The following ANO10 variants were observed in gnomAD, a reference collection of about 807,000 sequenced individuals.
The protein encoded by ANO10 is anoctamin 10.
Under a neutral mutation model 74.7 loss-of-function variants are expected in ANO10, and 77 were observed. That is an observed-to-expected ratio of 1.03 (90% CI 0.86 to 1.25). The LOEUF (loss-of-function observed/expected upper bound fraction) is 1.25, where lower values mean the gene tolerates loss of function less well. Among genes scored for constraint, ANO10 ranks in the 50% most tolerant of loss-of-function variants. ANO10 has a pLI of 0.00. For missense variants in ANO10, 721 were observed against 778.1 expected (o/e 0.93, Z 0.87); for synonymous variants, 279 against 284.9 (o/e 0.98, Z 0.21).
At chr3:43,545,443 G>A (rs756161532) in intron 11 of ANO10, among the ~76,000 whole-genome samples, 5 of 151,820 alleles carry the variant, frequency 3.3e-5, no homozygotes, top group Admixed American at 1.3e-4. Flanking sequence ...GCGCAATCTC[G>A]GCTTACCATA....
At chr3:43,576,126 A>AC (rs1465616121) in intron 6 of ANO10, among the ~76,000 whole-genome samples, 2 of 152,218 alleles carry the variant, frequency 1.3e-5, no homozygotes, top group Admixed American at 1.3e-4. Context: ...AATGAACTCA[A>AC]CAGCAGTCCT....
chr3:43,601,572 A>T (rs1575524125), intron 2 of ANO10, among the ~76,000 whole-genome samples: 1 of 152,312 alleles, frequency 6.6e-6, no homozygotes, highest in African/African-American at 2.4e-5. Flanking sequence ...GAAAATATTA[A>T]TCAGATGATA....
chr3:43,637,960 G>A (rs1241426895), intron 1 of ANO10, among the ~76,000 whole-genome samples: 3 of 152,128 alleles, frequency 2.0e-5, no homozygotes, highest in African/African-American at 7.2e-5. Flanking sequence ...GAATTCCATC[G>A]AGTTTTAAAA....
chr3:43,667,293 A>G (rs1437383705), intron 1 of ANO10, among the ~76,000 whole-genome samples: 2 of 151,884 alleles, frequency 1.3e-5, no homozygotes, highest in Non-Finnish European at 2.9e-5. Context: ...GTTTCACCAT[A>G]TTGGTCAGGC....
At chr3:43,610,459 A>G (rs2082763641) in intron 1 of ANO10, among the ~76,000 whole-genome samples, 1 of 152,208 alleles carries the variant, frequency 6.6e-6, no homozygotes, top group Non-Finnish European at 1.5e-5. Context: ...GTCAGGTATT[A>G]TGTACTATAC....
At chr3:43,460,437 T>C (rs993483766) in intron 11 of ANO10, among the ~76,000 whole-genome samples, 1 of 152,178 alleles carries the variant, frequency 6.6e-6, no homozygotes, top group African/African-American at 2.4e-5. Flanking sequence ...TAAGTGAACT[T>C]TCTTGGGGTG....
chr3:43,687,831 G>A (rs2084294147), intron 1 of ANO10, among the ~76,000 whole-genome samples: 1 of 152,182 alleles, frequency 6.6e-6, no homozygotes, highest in African/African-American at 2.4e-5. Flanking sequence ...GTTAAAGTAT[G>A]TGGGGCCCTG....
intron 11 of ANO10, among the ~76,000 whole-genome samples, chr3:43,544,236 G>C (rs1416670766): frequency 3.3e-5 from 5 of 152,052 alleles, no homozygotes; most frequent in Non-Finnish European, 7.4e-5. Flanking sequence ...GACACCGCCA[G>C]TATTTATTTT....
intron 8 of ANO10, among the ~76,000 whole-genome samples, chr3:43,563,728 T>C (rs2080168381): frequency 6.6e-6 from 1 of 152,134 alleles, no homozygotes; most frequent in African/African-American, 2.4e-5. Flanking sequence ...GAGGTCATTA[T>C]GTTAAGTGAA....
intron 1 of ANO10, among the ~76,000 whole-genome samples, chr3:43,654,780 A>C (rs1380056909): frequency 6.6e-6 from 1 of 152,196 alleles, no homozygotes; most frequent in Non-Finnish European, 1.5e-5. Context: ...AGAATGGATG[A>C]CTGCCATAAA....
intron 1 of ANO10, among the ~76,000 whole-genome samples, chr3:43,674,331 G>A (rs1419076498): frequency 2.0e-5 from 3 of 151,742 alleles, no homozygotes; most frequent in Non-Finnish European, 2.9e-5. Context: ...TTATTTTTTC[G>A]TAGAGATGAG....
chr3:43,594,061 C>T (rs2081952096), intron 4 of ANO10, among the ~76,000 whole-genome samples: 1 of 152,182 alleles, frequency 6.6e-6, no homozygotes, highest in Admixed American at 6.5e-5. Flanking sequence ...GAAGAGCTAA[C>T]TATCCTAAAT....
chr3:43,621,677 G>A (rs2083399629), intron 1 of ANO10: 1 of 152,698 alleles, frequency 6.5e-6, no homozygotes, highest in Non-Finnish European at 1.5e-5. Context: ...CCCCTCCCCT[G>A]CGACCGCCGC....
chr3:43,378,528 C>A (rs984652155), intron 12 of ANO10, among the ~76,000 whole-genome samples: 1 of 152,154 alleles, frequency 6.6e-6, no homozygotes, highest in African/African-American at 2.4e-5. Context: ...TTGATAAATG[C>A]AAATATCTAT....
chr3:43,416,995 C>T (rs2092748649), intron 12 of ANO10, among the ~76,000 whole-genome samples: 2 of 152,226 alleles, frequency 1.3e-5, no homozygotes, highest in Admixed American at 1.3e-4. Flanking sequence ...GGAAGGTAAA[C>T]TCTAATTTAG....
intron 11 of ANO10, among the ~76,000 whole-genome samples, chr3:43,457,427 A>T (rs898394027): frequency 1.4e-4 from 21 of 152,200 alleles, no homozygotes; most frequent in Admixed American, 1.2e-3. Context: ...AGAGGAAGCA[A>T]GCACCTTTTT....
chr3:43,595,033 G>A (rs1454065314), intron 4 of ANO10, among the ~76,000 whole-genome samples: 3 of 152,094 alleles, frequency 2.0e-5, no homozygotes, highest in African/African-American at 7.2e-5. Flanking sequence ...TAAATTCCTG[G>A]ACACATACAC....
chr3:43,539,170 C>A lies in ANO10; in HGVS notation c.1797+10550G>T, dbSNP rs181718829. Reference sequence around the variant, plus strand: ...CTCCTGCTCCCTCCTGGTACTGGAGCTGCCCCCACATTCCACTTTTTCAAC... The same window carrying A: ...CTCCTGCTCCCTCCTGGTACTGGAGATGCCCCCACATTCCACTTTTTCAAC... On this transcript the variant is annotated intron_variant, in intron 11 of 12. Coordinates refer to ENST00000292246, the MANE Select transcript of ANO10 (RefSeq NM_018075.5). Among the ~76,000 whole-genome samples the A allele has an allele frequency of 7.6e-4, 115 of 152,182 alleles. 1 individual carries two copies. The highest frequency in any genetic ancestry group is 2.7e-3 in the African/African-American group (111 of 41,524).
intron 11 of ANO10, among the ~76,000 whole-genome samples, chr3:43,532,444 C>A (rs1322587958): frequency 1.3e-5 from 2 of 152,088 alleles, no homozygotes; most frequent in African/African-American, 2.4e-5. Flanking sequence ...CATTGGAAAT[C>A]CCAATTTTCA....
Sources: gnomAD v4.1 joint callset for allele counts (sites outside exome capture counted in the v4.1 genomes callset) on GRCh38, gnomAD v4.1.1 for gene constraint, MANE v1.5 for transcripts, NCBI Gene and HGNC (gene_info 2026-07-23, HGNC 2026-07-21) for gene names.